GRID2: variants seen among roughly 807,000 people sequenced by gnomAD.
The protein encoded by GRID2 is glutamate ionotropic receptor delta type subunit 2, also known as glutamate receptor ionotropic, delta-2.
A neutral mutation model predicts 114.8 loss-of-function variants in GRID2; 33 were observed. The observed-to-expected ratio is 0.29, with a 90% CI of 0.22 to 0.38. GRID2 has a LOEUF of 0.38. Among genes scored for constraint, GRID2 ranks in the 10% least tolerant of loss-of-function variants. The pLI, the probability that GRID2 is intolerant of heterozygous loss-of-function variation, is 1.00. For missense variants in GRID2, 1,184 were observed against 1,257.7 expected (o/e 0.94, Z 0.89); for synonymous variants, 505 against 449.9 (o/e 1.12, Z -1.55).
chr4:93,709,908 T>G (rs190551401), intron 14 of GRID2, among the ~76,000 whole-genome samples: 36 of 152,346 alleles, frequency 2.4e-4, no homozygotes, highest in East Asian at 1.5e-3. Flanking sequence ...CAGAATTCAT[T>G]AATTTTTGTT....
chr4:93,415,742 TA>T (rs951765563), intron 9 of GRID2, among the ~76,000 whole-genome samples: 11 of 152,150 alleles, frequency 7.2e-5, no homozygotes, highest in African/African-American at 2.6e-4. Flanking sequence ...ATGTCTAAAA[TA>T]AAATATTTTA....
chr4:92,807,735 TATC>T (rs1362741341), intron 2 of GRID2, among the ~76,000 whole-genome samples: 1 of 151,998 alleles, frequency 6.6e-6, no homozygotes, highest in East Asian at 1.9e-4. Flanking sequence ...AGGGGTAGGA[TATC>T]ATTATAACAA....
chr4:93,528,669 T>C (rs1223735889), intron 13 of GRID2, among the ~76,000 whole-genome samples: 1 of 152,084 alleles, frequency 6.6e-6, no homozygotes, highest in African/African-American at 2.4e-5. Flanking sequence ...CCCACAAATA[T>C]GGCTCATCCC....
intron 2 of GRID2, among the ~76,000 whole-genome samples, chr4:92,929,794 A>G (rs1244211091): frequency 6.6e-6 from 1 of 151,230 alleles, no homozygotes; most frequent in Non-Finnish European, 1.5e-5. Flanking sequence ...TACTTTTTCC[A>G]TGTGTAAAAT....
At chr4:93,384,276 A>C (rs886600299) in intron 8 of GRID2, among the ~76,000 whole-genome samples, 1 of 152,110 alleles carries the variant, frequency 6.6e-6, no homozygotes, top group Non-Finnish European at 1.5e-5. Flanking sequence ...GAGCGCAACA[A>C]TATTAGGGAA....
chr4:92,882,700 TCA>T (rs1222678393), intron 2 of GRID2, among the ~76,000 whole-genome samples: 1 of 152,184 alleles, frequency 6.6e-6, no homozygotes, highest in Non-Finnish European at 1.5e-5. Flanking sequence ...ATAAAACAAG[TCA>T]CAAAGATGTT....
intron 4 of GRID2, among the ~76,000 whole-genome samples, chr4:93,180,424 T>C (rs914785821): frequency 1.3e-5 from 2 of 152,120 alleles, no homozygotes; most frequent in African/African-American, 2.4e-5. Context: ...TGCCAGGATA[T>C]TGATGACTGC....
intron 8 of GRID2, among the ~76,000 whole-genome samples, chr4:93,293,974 G>A (rs550048689): frequency 2.6e-5 from 4 of 152,288 alleles, no homozygotes; most frequent in South Asian, 2.1e-4. Flanking sequence ...CACAGACGGC[G>A]ATTATGCTGT....
At chr4:93,781,700 C>G (rs963966440) in intron 1 of GRID2, among the ~76,000 whole-genome samples, 3 of 152,102 alleles carry the variant, frequency 2.0e-5, no homozygotes, top group Non-Finnish European at 4.4e-5. Context: ...TTTCTAACAT[C>G]TAATACAATG....
chr4:92,990,490 A>C (rs1331175729), intron 2 of GRID2, among the ~76,000 whole-genome samples: 2 of 151,602 alleles, frequency 1.3e-5, no homozygotes, highest in Admixed American at 1.3e-4. Context: ...TTGTATTTTT[A>C]GTAGAGACGG....
intron 1 of GRID2, among the ~76,000 whole-genome samples, chr4:92,562,038 C>T (rs1727126576): frequency 6.6e-6 from 1 of 152,086 alleles, no homozygotes; most frequent in African/African-American, 2.4e-5. Context: ...TTTGTTTTAG[C>T]CAGATATGTA....
At chr4:92,425,556 G>C (rs1233165803) in intron 1 of GRID2, among the ~76,000 whole-genome samples, 1 of 152,068 alleles carries the variant, frequency 6.6e-6, no homozygotes, top group Non-Finnish European at 1.5e-5. Flanking sequence ...AGGACACATA[G>C]TAGCAAAATA....
chr4:92,808,637 A>T (rs113837389), intron 2 of GRID2, among the ~76,000 whole-genome samples: 3 of 152,178 alleles, frequency 2.0e-5, no homozygotes, highest in African/African-American at 7.2e-5. Context: ...CAGAGAACTG[A>T]ACAACTGAAT....
At chr4:93,256,189 C>T (rs1055877037) in intron 8 of GRID2, among the ~76,000 whole-genome samples, 2 of 151,654 alleles carry the variant, frequency 1.3e-5, no homozygotes, top group Non-Finnish European at 2.9e-5. Flanking sequence ...GTAATATTCC[C>T]GTTCATTTTT....
chr4:93,064,983 T>G (rs1164577887), intron 2 of GRID2, among the ~76,000 whole-genome samples: 3 of 151,896 alleles, frequency 2.0e-5, no homozygotes, highest in African/African-American at 7.2e-5. Context: ...ATGATACTCT[T>G]CAAAACTTAT....
chr4:93,719,462 A>C (rs1260330276), intron 14 of GRID2, among the ~76,000 whole-genome samples: 1 of 152,108 alleles, frequency 6.6e-6, no homozygotes, highest in East Asian at 1.9e-4. Context: ...TTTATAGATA[A>C]AGTGATTTTT....
At chr4:92,520,272 A>C (rs1724700161) in intron 1 of GRID2, among the ~76,000 whole-genome samples, 1 of 151,874 alleles carries the variant, frequency 6.6e-6, no homozygotes, top group Admixed American at 6.6e-5. Flanking sequence ...TATTAATAAT[A>C]CTTAAATATT....
intron 13 of GRID2, among the ~76,000 whole-genome samples, chr4:93,611,948 C>G (rs1740971927): frequency 6.7e-6 from 1 of 148,152 alleles, no homozygotes; most frequent in Non-Finnish European, 1.5e-5. Flanking sequence ...GTGTGGGAGT[C>G]TAAGTCTCTT....
chr4:92,316,555 T>A (rs772474444), intron 1 of GRID2, among the ~76,000 whole-genome samples: 78 of 152,292 alleles, frequency 5.1e-4, no homozygotes, highest in Non-Finnish European at 9.6e-4. Context: ...TTACACCTAT[T>A]GTGTGGTTAT....
Sources: gnomAD v4.1 joint callset for allele counts (sites outside exome capture counted in the v4.1 genomes callset) on GRCh38, gnomAD v4.1.1 for gene constraint, MANE v1.5 for transcripts, NCBI Gene and HGNC (gene_info 2026-07-23, HGNC 2026-07-21) for gene names.